Variants in TTLL2 observed in about 807,000 individuals in gnomAD.
The protein encoded by TTLL2 is tubulin tyrosine ligase like 2, also known as probable tubulin polyglutamylase TTLL2.
Under a neutral mutation model 7.5 loss-of-function variants are expected in TTLL2, and 10 were observed. That is an observed-to-expected ratio of 1.33 (90% CI 0.82 to 2.25). TTLL2 has a LOEUF of 2.25. Among genes scored for constraint, TTLL2 ranks in the 30% most tolerant of loss-of-function variants. The pLI is 0.00. For synonymous variants in TTLL2, 284 were observed against 280.3 expected (o/e 1.01, Z -0.13); for missense variants, 733 against 735.7 (o/e 1.00, Z 0.04).
Position 167,340,346 on chromosome 6 carries a change from G to C in TTLL2, c.446G>C (p.Gly149Ala). 1.9e-6 allele frequency: 3 copies of C among 1,614,104 alleles called. No homozygotes were observed. Among genetic ancestry groups the C allele is most frequent in the Non-Finnish European group, 2.5e-6 (3 of 1,180,038 alleles). The stretch of plus-strand genomic sequence containing the variant: ...TGGCAGCAGCTAAACCACCACCCTG[G>C]AACCACCAAGCTTACCAGGAAAGAC... Reference protein sequence around the residue: ...KPWQQLNHHPGTTKLTRKDCL... With the variant: ...KPWQQLNHHPATTKLTRKDCL... The change falls in exon 3 of 3, where the codon GGA (glycine) becomes GCA (alanine). Residue 149 changes from glycine (G) to alanine (A), a missense_variant. By Grantham distance (60) the Gly-to-Ala change is moderately conservative. Coordinates refer to ENST00000239587, the MANE Select transcript of TTLL2 (RefSeq NM_031949.5).
chr6:167,331,553 C>A (rs1334526871), intron 1 of TTLL2, among the ~76,000 whole-genome samples: 1 of 152,148 alleles, frequency 6.6e-6, no homozygotes, highest in African/African-American at 2.4e-5. Context: ...ATGTAATGTT[C>A]TCCAGTTCCA....
Position 167,341,382 on chromosome 6 carries a change from G to A in TTLL2, c.1482G>A (p.Gly494=). The A allele has an allele frequency of 1.2e-6, 2 of 1,613,880 alleles. No homozygotes were observed. Among genetic ancestry groups the A allele is most frequent in the Non-Finnish European group, 1.7e-6 (2 of 1,180,014 alleles). Residue 494 remains glycine, a synonymous_variant, in exon 3 of 3, where the codon GGG becomes GGA. Coordinates refer to ENST00000239587, the MANE Select transcript of TTLL2 (RefSeq NM_031949.5). ...PASQLEGEMS[G]QDFHLSTREM... is the part of the protein sequence containing the mutation. ...CCCAGCTGGAAGGAGAGATGAGTGGGCAGGATTTTCATCTGTCAACAAGGG... is the reference window on the plus strand; with the variant it reads ...CCCAGCTGGAAGGAGAGATGAGTGGACAGGATTTTCATCTGTCAACAAGGG...
intron 1 of TTLL2, among the ~76,000 whole-genome samples, chr6:167,325,751 A>G (rs931280834): frequency 6.6e-6 from 1 of 152,082 alleles, no homozygotes; most frequent in African/African-American, 2.4e-5. Flanking sequence ...CCCACGGGGG[A>G]AAAGAAAATC....
intron 1 of TTLL2, among the ~76,000 whole-genome samples, chr6:167,335,419 C>T (rs1271497101): frequency 6.7e-6 from 1 of 149,118 alleles, no homozygotes; most frequent in Non-Finnish European, 1.5e-5. Context: ...GTGGCGATTC[C>T]TCAGGGATCT....
Position 167,328,065 on chromosome 6 carries a change from G to A in TTLL2, c.47+2845G>A, listed in dbSNP as rs74590870. On this transcript the variant is annotated intron_variant, in intron 1 of 2. Coordinates refer to ENST00000239587, the MANE Select transcript of TTLL2 (RefSeq NM_031949.5). ...TGGTTTAACCCTTCAGCTGGATCCC[G>A]GTCAAATGGAAAGTTGCTCTGGGGC... is the stretch of plus-strand genomic sequence containing the variant. The A allele has an allele frequency of 1.5e-5, 7 of 455,022 alleles. No homozygotes were observed. The East Asian group carries it at 4.2e-4, about 27-fold the overall frequency. The allele number at this position is 455,022 out of a possible 1,614,324, so 28.2% of individuals were successfully genotyped here. A position where few individuals can be genotyped will look rare whatever the true frequency, so the allele number is the denominator to read the frequency against.
intron 1 of TTLL2, among the ~76,000 whole-genome samples, chr6:167,336,082 G>C (rs1362254567): frequency 2.6e-5 from 4 of 152,018 alleles, no homozygotes; most frequent in African/African-American, 4.8e-5. Flanking sequence ...TCCGGACCTT[G>C]GGTATTGTGA....
At chr6:167,327,412 T>C (rs1443057278) in intron 1 of TTLL2, among the ~76,000 whole-genome samples, 1 of 152,212 alleles carries the variant, frequency 6.6e-6, no homozygotes, top group African/African-American at 2.4e-5. Flanking sequence ...AGCTTTTGCA[T>C]CTTTGCAGCC....
At chr6:167,330,215 T>A (rs967415981) in intron 1 of TTLL2, among the ~76,000 whole-genome samples, 8 of 152,222 alleles carry the variant, frequency 5.3e-5, no homozygotes, top group African/African-American at 1.9e-4. Flanking sequence ...ATGGGAATTG[T>A]GTGTCTGTAT....
intron 1 of TTLL2, among the ~76,000 whole-genome samples, chr6:167,327,733 G>C (rs2115207518): frequency 6.6e-6 from 1 of 152,290 alleles, no homozygotes; most frequent in African/African-American, 2.4e-5. Flanking sequence ...GTTATGTATG[G>C]TGAATCTCCA....
At chr6:167,330,887 C>T (rs555947707) in intron 1 of TTLL2, among the ~76,000 whole-genome samples, 47 of 152,274 alleles carry the variant, frequency 3.1e-4, no homozygotes, top group African/African-American at 1.0e-3. Context: ...TGGGCATTCC[C>T]GTGATCCCTT....
intron 1 of TTLL2, among the ~76,000 whole-genome samples, chr6:167,337,261 C>T (rs908002930): frequency 2.6e-5 from 4 of 151,686 alleles, no homozygotes; most frequent in Non-Finnish European, 4.4e-5. Context: ...AAGGCAGATG[C>T]GTAGTTGAAA....
chr6:167,341,419 A>T lies in TTLL2; in HGVS notation c.1519A>T (p.Ser507Cys). 6.2e-7 allele frequency: 1 copy of T among 1,613,990 alleles called. No homozygotes were observed. Among genetic ancestry groups the T allele is most frequent in the East Asian group, 2.2e-5 (1 of 44,832 alleles). Residue 507 changes from serine to cysteine, a missense_variant, in exon 3 of 3, where the codon AGC becomes TGC. Ser to Cys is a moderately radical substitution (Grantham distance 112, BLOSUM62 -1). Transcript: ENST00000239587. Reference sequence around the variant, plus strand: ...TCTGTCAACAAGGGAGATGCCACAAAGCAAGCCCAAGTTACGGAGCAGGCA... The same window carrying T: ...TCTGTCAACAAGGGAGATGCCACAATGCAAGCCCAAGTTACGGAGCAGGCA... ...FHLSTREMPQ[S>C]KPKLRSRHTP... is the part of the protein sequence containing the mutation.
In TTLL2 at chr6:167,340,219, G is replaced by C. The variant is rs1490249227; in HGVS notation, c.319G>C (p.Gly107Arg). 1 of 1,614,118 alleles carries C rather than the reference G, an allele frequency of 6.2e-7. No individual in the cohort carries two copies. The highest frequency in any genetic ancestry group is 1.1e-5 in the South Asian group (1 of 91,054). The change falls in exon 3 of 3, where the codon GGG becomes CGG. Residue 107 changes from glycine to arginine, a missense_variant. By Grantham distance (125) the Gly-to-Arg change is moderately radical. Coordinates refer to ENST00000239587, the MANE Select transcript of TTLL2 (RefSeq NM_031949.5). ...AVVQSVLLER[G>R]WNKFDKQEQN... ...GGTGCAAAGCGTCCTCCTGGAGAGGGGGTGGAATAAGTTTGATAAGCAGGA... is the reference window on the plus strand; with the variant it reads ...GGTGCAAAGCGTCCTCCTGGAGAGGCGGTGGAATAAGTTTGATAAGCAGGA...
rs142986266 is a variant in TTLL2, at chr6:167,342,246, G to A, written c.*567G>A. 4.5e-3 allele frequency among the ~76,000 whole-genome samples: 685 copies of A among 152,188 alleles called. 7 individuals are homozygous for A. The highest frequency in any genetic ancestry group is 0.016 in the African/African-American group (648 of 41,504). ...AGAGCTCCCTGTGGGGGCATCTTTG[G>A]GCTGTATTTAAATAGTGGCCCCTTG... On this transcript the variant is annotated 3_prime_UTR_variant, in exon 3 of 3. Coordinates refer to ENST00000239587, the MANE Select transcript of TTLL2 (RefSeq NM_031949.5).
chr6:167,328,249 A>G (rs762995184), intron 1 of TTLL2: 51 of 396,890 alleles, frequency 1.3e-4, no homozygotes, highest in Non-Finnish European at 2.3e-4. Context: ...CTCCTACTGC[A>G]TCCTGTTGTC....
chr6:167,329,306 T>A (rs1165962387), intron 1 of TTLL2, among the ~76,000 whole-genome samples: 1 of 152,170 alleles, frequency 6.6e-6, no homozygotes, highest in Non-Finnish European at 1.5e-5. Context: ...CTATCATGAC[T>A]CAACAGCGTG....
chr6:167,338,866 T>TCCTTC, intron 2 of TTLL2, 63 bp downstream of exon 2: 1 of 1,456,060 alleles, frequency 6.9e-7, no homozygotes, highest in Non-Finnish European at 9.2e-7. Flanking sequence ...CTTCCTTCCT[T>TCCTTC]CTTTCCTCCT....
chr6:167,336,632 T>A (rs1488557754), intron 1 of TTLL2, among the ~76,000 whole-genome samples: 1 of 151,496 alleles, frequency 6.6e-6, no homozygotes, highest in Non-Finnish European at 1.5e-5. Flanking sequence ...GGGACGAGAG[T>A]CCCTCCGAGA....
chr6:167,329,770 G>T (rs1372651414), intron 1 of TTLL2, among the ~76,000 whole-genome samples: 1 of 152,120 alleles, frequency 6.6e-6, no homozygotes, highest in Non-Finnish European at 1.5e-5. Flanking sequence ...AGACCCTGTG[G>T]TTTTATGTGT....
Sources: gnomAD v4.1 joint callset for allele counts (sites outside exome capture counted in the v4.1 genomes callset) on GRCh38, gnomAD v4.1.1 for gene constraint, MANE v1.5 for transcripts, NCBI Gene and HGNC (gene_info 2026-07-23, HGNC 2026-07-21) for gene names.